The following ZNF44 variants were observed in gnomAD, a reference collection of about 807,000 sequenced individuals.
ZNF44 encodes gonadotropin inducible transcription repressor-2.
In ZNF44, 9 loss-of-function variants were observed where a neutral mutation model predicts 11.7. The ratio of observed to expected loss-of-function variants is 0.77; its 90% confidence interval spans 0.46 to 1.35. ZNF44 has a LOEUF of 1.35. ZNF44 is among the 40% of genes most tolerant of loss of function. ZNF44 has a pLI of 0.00. For missense variants in ZNF44, 696 were observed against 743.1 expected, an observed-to-expected ratio of 0.94 and a Z score of 0.74; for synonymous variants, 224 against 242.7, an observed-to-expected ratio of 0.92 and a Z score of 0.72.
At chr19:12,284,468 G>A in intron 1 of ZNF44, 1 of 648,892 alleles carries the variant, frequency 1.5e-6, no homozygotes, top group Non-Finnish European at 2.9e-6. Context: ...TGAGAGGCAA[G>A]GCCGAGGATA....
upstream of ZNF44, among the ~76,000 whole-genome samples, chr19:12,240,135 A>G (rs866834010): frequency 5.9e-5 from 9 of 152,182 alleles, no homozygotes; most frequent in Admixed American, 2.6e-4. Context: ...TGCAACCCCT[A>G]TCAAAATCCT....
chr19:12,243,209 G>A (rs1176740207), downstream of ZNF44, among the ~76,000 whole-genome samples: 1 of 152,076 alleles, frequency 6.6e-6, no homozygotes, highest in Non-Finnish European at 1.5e-5. Flanking sequence ...ATGTTTTGAT[G>A]TATATATATA....
chr19:12,283,058 A>T (rs1967555176), intron 1 of ZNF44, among the ~76,000 whole-genome samples: 1 of 152,202 alleles, frequency 6.6e-6, no homozygotes, highest in Non-Finnish European at 1.5e-5. Flanking sequence ...GAACACATCC[A>T]AATTTGTTGG....
chr19:12,242,012 A>G (rs978505719), upstream of ZNF44, among the ~76,000 whole-genome samples: 1 of 152,192 alleles, frequency 6.6e-6, no homozygotes, highest in African/African-American at 2.4e-5. Flanking sequence ...AGAGCAAGAA[A>G]GGAAAATAGA....
At chr19:12,257,950 G>A (rs1917331638) in intron 5 of ZNF44, among the ~76,000 whole-genome samples, 1 of 151,658 alleles carries the variant, frequency 6.6e-6, no homozygotes, top group African/African-American at 2.4e-5. Context: ...TAGCCTGGGC[G>A]ATAGAGCGAA....
chr19:12,273,597 T>C lies in ZNF44; in HGVS notation c.658A>G (p.Thr220Ala), dbSNP rs565953851. 8.7e-6 allele frequency: 14 copies of C among 1,614,154 alleles called. No individual in the cohort carries two copies. Among genetic ancestry groups the C allele is most frequent in the Non-Finnish European group, 1.2e-5 (14 of 1,180,014 alleles). Residue 220 changes from threonine to alanine, a missense_variant, in exon 4 of 4, where the codon ACT becomes GCT. Transcript: ENST00000355684. Reference protein sequence around the residue: ...SLLRMHERTHTGEKPYECKQC... With the variant: ...SLLRMHERTHAGEKPYECKQC... ...TTACATTCATATGGTTTCTCTCCAG[T>C]GTGAGTTCTTTCATGCATACGTAAT...
intron 2 of ZNF44, among the ~76,000 whole-genome samples, chr19:12,233,116 C>T (rs912454237): frequency 2.5e-4 from 38 of 152,158 alleles, no homozygotes; most frequent in African/African-American, 9.2e-4. Context: ...CCAGACTCCT[C>T]CCTGACCAGA....
At chr19:12,258,160 CAAAAAAAA>C (rs770370872) in intron 5 of ZNF44, among the ~76,000 whole-genome samples, 13 of 55,898 alleles carry the variant, frequency 2.3e-4, no homozygotes, top group African/African-American at 5.8e-4. Flanking sequence ...CTCATCTCTA[CAAAAAAAA>C]AAAAAAAAAA....
chr19:12,226,702 T>C (rs1399767682), intron 3 of ZNF44, among the ~76,000 whole-genome samples: 2 of 152,168 alleles, frequency 1.3e-5, no homozygotes, highest in Non-Finnish European at 2.9e-5. Context: ...TGTCAATAAT[T>C]CAAAAGAAAA....
At chr19:12,247,425 C>T (rs1916799457), downstream of ZNF44, 3 of 1,321,556 alleles carry the variant, frequency 2.3e-6, no homozygotes, top group Admixed American at 2.2e-5. Flanking sequence ...GGGTTTTCCA[C>T]ATTCTTTACA....
intron 5 of ZNF44, among the ~76,000 whole-genome samples, chr19:12,257,278 T>C (rs1240874846): frequency 1.4e-4 from 22 of 152,188 alleles, no homozygotes; most frequent in Admixed American, 1.4e-3. Context: ...ATGTTGGATA[T>C]TGGGTGTAGG....
At chr19:12,269,449 G>A (rs1266440973), downstream of ZNF44, among the ~76,000 whole-genome samples, 1 of 152,140 alleles carries the variant, frequency 6.6e-6, no homozygotes, top group African/African-American at 2.4e-5. Context: ...TTGAACCCAG[G>A]AGGCAGAGGT....
rs1968181480 is a variant in ZNF44, at chr19:12,294,827, A to G, written c.-133T>C. Reference sequence around the variant, plus strand: ...TACGGAACAGAGGTCACCAGGGTGAAGAGGCCACTAGCTCCTGGAACGTCA... The same window carrying G: ...TACGGAACAGAGGTCACCAGGGTGAGGAGGCCACTAGCTCCTGGAACGTCA... On this transcript the variant is annotated 5_prime_UTR_variant, in exon 1 of 4. Transcript: ENST00000355684. 3 of 1,021,524 alleles carry G rather than the reference A, an allele frequency of 2.9e-6. No homozygotes were observed. The highest frequency in any genetic ancestry group is 4.1e-6 in the Non-Finnish European group (3 of 730,824). 63.3% of individuals were successfully genotyped at this position (1,021,524 alleles called of 1,614,324 possible). A position where few individuals can be genotyped will look rare whatever the true frequency, so the allele number is the denominator to read the frequency against.
chr19:12,288,489 AT>A (rs1418791963), intron 1 of ZNF44, among the ~76,000 whole-genome samples: 6 of 151,924 alleles, frequency 3.9e-5, no homozygotes, highest in Non-Finnish European at 7.4e-5. Flanking sequence ...CACACCTATA[AT>A]CCCAGCACTT....
chr19:12,226,656 A>G (rs2145670281), intron 3 of ZNF44: 1 of 152,362 alleles, frequency 6.6e-6, no homozygotes, highest in Non-Finnish European at 1.5e-5. Flanking sequence ...AATGCTCCAA[A>G]TTTTGTTCAT....
At chr19:12,263,302 T>A (rs1917593515) in intron 5 of ZNF44, among the ~76,000 whole-genome samples, 1 of 151,824 alleles carries the variant, frequency 6.6e-6, no homozygotes, top group African/African-American at 2.4e-5. Context: ...GTCAGGGTGG[T>A]CTCGAAGTCC....
chr19:12,234,662 C>A (rs748040185), intron 2 of ZNF44: 1 of 152,192 alleles, frequency 6.6e-6, no homozygotes, highest in Admixed American at 6.5e-5. Flanking sequence ...AAATAGTATC[C>A]TCACCTATAG....
In ZNF44 at chr19:12,273,522, T is replaced by A; in HGVS notation, c.733A>T (p.Lys245Ter). 1 of 1,614,126 alleles carries A rather than the reference T, an allele frequency of 6.2e-7. No individual in the cohort carries two copies. The highest frequency in any genetic ancestry group is 1.1e-5 in the South Asian group (1 of 91,084). ...TACGGTTTCTCCCCAGTGTGTATTT[T>A]TTCATGTCTTAGATAGGAACTGTAA... ...PVYSSYLRHE[K>*]IHTGEKPYEC... The change falls in exon 4 of 4, where the codon AAA becomes TAA. Residue 245 changes from lysine to a stop codon, truncating the protein, a stop_gained. Coordinates refer to ENST00000355684, the MANE Select transcript of ZNF44 (RefSeq NM_016264.4). LOFTEE classifies it low-confidence loss of function (END_TRUNC).
At chr19:12,294,034 G>A (rs1968130138) in intron 1 of ZNF44, among the ~76,000 whole-genome samples, 1 of 152,280 alleles carries the variant, frequency 6.6e-6, no homozygotes, top group Non-Finnish European at 1.5e-5. Flanking sequence ...CACAGCAGAC[G>A]CTGACCGCCG....
Sources: gnomAD v4.1 joint callset for allele counts (sites outside exome capture counted in the v4.1 genomes callset) on GRCh38, gnomAD v4.1.1 for gene constraint, MANE v1.5 for transcripts, NCBI Gene and HGNC (gene_info 2026-07-23, HGNC 2026-07-21) for gene names.